The following HNRNPD variants were observed in gnomAD, a reference collection of about 807,000 sequenced individuals.
The protein encoded by HNRNPD is heterogeneous nuclear ribonucleoprotein D0.
HNRNPD carries 3 observed loss-of-function variants against 47.9 expected under a neutral mutation model. The ratio of observed to expected loss-of-function variants is 0.06; its 90% CI spans 0.03 to 0.16. The LOEUF (loss-of-function observed/expected upper bound fraction) is 0.16, where lower values mean the gene tolerates loss of function less well. Ranked by LOEUF, HNRNPD falls within the 10% of genes least tolerant of loss-of-function variation. The probability of loss-of-function intolerance (pLI) is 1.00; values close to 1 mark genes in which losing one functional copy is unlikely to be tolerated. For synonymous variants in HNRNPD, 171 were observed against 165.1 expected (o/e 1.04, Z -0.28); for missense variants, 287 against 454.2 (o/e 0.63, Z 3.35).
intron 2 of HNRNPD, among the ~76,000 whole-genome samples, chr4:82,368,694 C>T (rs1719883705): frequency 6.6e-6 from 1 of 152,202 alleles, no homozygotes. Flanking sequence ...TTACTACATA[C>T]AGTAAACCCA....
At chr4:82,357,270 C>G (rs530885237) in intron 5 of HNRNPD, 43 bp downstream of exon 5, 1 of 1,562,214 alleles carries the variant, frequency 6.4e-7, no homozygotes, top group African/African-American at 1.4e-5. Context: ...AAGCTCTTTA[C>G]AACAGCTAGT....
chr4:82,356,525 T>C lies in HNRNPD; in HGVS notation c.1000+12A>G, dbSNP rs1723719327. 2 of 1,591,660 alleles carry C rather than the reference T, an allele frequency of 1.3e-6. No individual in the cohort carries two copies. Among genetic ancestry groups the C allele is most frequent in the East Asian group, 2.2e-5 (1 of 44,758 alleles). ...GTCAAATAGCAGTTAATATAAAAAG[T>C]ATAGTACTTACTGCTATAATCACCA... On this transcript the variant is annotated intron_variant, in intron 7 of 8. Coordinates refer to ENST00000313899, the MANE Select transcript of HNRNPD (RefSeq NM_031370.3).
At chr4:82,368,265 A>AATGT (rs1393867711) in intron 2 of HNRNPD, among the ~76,000 whole-genome samples, 1 of 152,160 alleles carries the variant, frequency 6.6e-6, no homozygotes, top group Admixed American at 6.5e-5. Flanking sequence ...TGTATACTCA[A>AATGT]ATGTATACTC....
In HNRNPD at chr4:82,359,766, T is replaced by A. The variant is rs145968582; in HGVS notation, c.291-127A>T. On this transcript the variant is annotated intron_variant, in intron 2 of 8. Transcript: ENST00000313899. ...CAGTATATTAAAACATCATTCTTCC[T>A]ACATAACCACACATCAGGAACATCC... The A allele has an allele frequency of 2.6e-4, 135 of 515,702 alleles. 2 individuals are homozygous for A. In the Middle Eastern group the frequency reaches 7.6e-3, roughly 29 times the overall value. The allele number at this position is 515,702 out of a possible 1,614,324, so 31.9% of individuals were successfully genotyped here. A position where few individuals can be genotyped will look rare whatever the true frequency, so the allele number is the denominator to read the frequency against.
chr4:82,366,847 C>T (rs770974461), intron 2 of HNRNPD, among the ~76,000 whole-genome samples: 5 of 151,912 alleles, frequency 3.3e-5, no homozygotes, highest in Non-Finnish European at 5.9e-5. Flanking sequence ...AGGTGTGAGC[C>T]ACTACGCCTG....
At chr4:82,372,768 G>A (rs199964328) in intron 1 of HNRNPD, among the ~76,000 whole-genome samples, 1 of 152,140 alleles carries the variant, frequency 6.6e-6, no homozygotes, top group Non-Finnish European at 1.5e-5. Flanking sequence ...CAAGAAACTC[G>A]GAGCATTTCA....
chr4:82,367,834 T>C (rs1223696054), intron 2 of HNRNPD, among the ~76,000 whole-genome samples: 1 of 152,178 alleles, frequency 6.6e-6, no homozygotes, highest in Non-Finnish European at 1.5e-5. Flanking sequence ...GTATCAACTA[T>C]TAGGGCACTG....
intron 2 of HNRNPD, among the ~76,000 whole-genome samples, chr4:82,361,844 A>G (rs1249246845): frequency 6.6e-6 from 1 of 152,196 alleles, no homozygotes; most frequent in Non-Finnish European, 1.5e-5. Context: ...CCCCACCTTT[A>G]GTATGGTAGT....
At chr4:82,369,118 C>A (rs1288960948) in intron 2 of HNRNPD, among the ~76,000 whole-genome samples, 1 of 152,198 alleles carries the variant, frequency 6.6e-6, no homozygotes, top group East Asian at 1.9e-4. Flanking sequence ...GATTTTTAAA[C>A]TTTAAAAACT....
At chr4:82,362,948 T>C (rs1302802087) in intron 2 of HNRNPD, among the ~76,000 whole-genome samples, 1 of 152,072 alleles carries the variant, frequency 6.6e-6, no homozygotes, top group Non-Finnish European at 1.5e-5. Context: ...CTTATCTTAA[T>C]TATGGATAAA....
At chr4:82,361,602 C>A (rs1050174099) in intron 2 of HNRNPD, among the ~76,000 whole-genome samples, 1 of 152,110 alleles carries the variant, frequency 6.6e-6, no homozygotes, top group Non-Finnish European at 1.5e-5. Context: ...GGAGACAGAA[C>A]TAGTTTTGAT....
intron 2 of HNRNPD, among the ~76,000 whole-genome samples, chr4:82,368,134 G>A (rs1560438879): frequency 6.6e-6 from 1 of 152,144 alleles, no homozygotes; most frequent in African/African-American, 2.4e-5. Flanking sequence ...CAGCTTCCAA[G>A]TGGAATGGGA....
Position 82,371,582 on chromosome 4 carries a change from T to A in HNRNPD, c.236A>T (p.His79Leu), listed in dbSNP as rs1720050340. The change falls in exon 2 of 9, where the codon CAT (histidine) becomes CTT (leucine). Residue 79 changes from histidine (H) to leucine (L), a missense_variant and splice_region_variant. His to Leu is a moderately conservative substitution (Grantham distance 99, BLOSUM62 -3). Around this residue, in one of 5 missense-constraint regions of HNRNPD, gnomAD observed 161 missense variants for 137.1 expected, o/e 1.17. Coordinates refer to ENST00000313899, the MANE Select transcript of HNRNPD (RefSeq NM_031370.3). ...AGAGTGTCGTGGGGAGGAGTTTGAA[T>A]GGCTAGGGAATTAACAACCGGTACA... is the stretch of plus-strand genomic sequence containing the variant. ...DASKNEEDEGHSNSSPRHSEA... is the reference protein window; with the variant it reads ...DASKNEEDEGLSNSSPRHSEA... 5.0e-6 allele frequency: 8 copies of A among 1,612,972 alleles called. 1 individual carries two copies. In the East Asian group the frequency reaches 1.8e-4, roughly 36 times the overall value.
chr4:82,355,637 C>T (rs910607477), intron 7 of HNRNPD: 8 of 537,238 alleles, frequency 1.5e-5, no homozygotes, highest in Non-Finnish European at 2.3e-5. Flanking sequence ...GGGAGACAAT[C>T]CCCTCACCCT....
intron 2 of HNRNPD, among the ~76,000 whole-genome samples, chr4:82,363,631 G>A (rs141659650): frequency 2.6e-5 from 4 of 152,252 alleles, no homozygotes; most frequent in Non-Finnish European, 5.9e-5. Context: ...TTAGTTCTAA[G>A]TGAATCAATC....
chr4:82,363,051 T>C (rs1405312552), intron 2 of HNRNPD, among the ~76,000 whole-genome samples: 1 of 143,522 alleles, frequency 7.0e-6, no homozygotes, highest in Non-Finnish European at 1.5e-5. Context: ...TGTGTGTGTA[T>C]ATATATATAT....
chr4:82,357,616 G>T (rs1160419199), intron 4 of HNRNPD, 172 bp from the exon 5 acceptor site: 3 of 528,434 alleles, frequency 5.7e-6, no homozygotes, highest in Non-Finnish European at 9.6e-6. Flanking sequence ...CTTCAAATTA[G>T]AACACCCATT....
In HNRNPD at chr4:82,373,554, CCCGCCG is replaced by C; in HGVS notation, c.119_124del (p.Ala40_Ala41del). ...TCCGCCCCCGGTCCCGGCTCCGCTT[CCCGCCG>C]CCGCCGCTGCCCCCTGTGTCGCCGC... is the stretch of plus-strand genomic sequence containing the variant. On this transcript the variant is annotated inframe_deletion, in exon 1 of 9. Coordinates refer to ENST00000313899, the MANE Select transcript of HNRNPD (RefSeq NM_031370.3). 1 of 1,539,114 alleles carries C rather than the reference CCCGCCG, an allele frequency of 6.5e-7. No homozygotes were observed. The highest frequency in any genetic ancestry group is 8.7e-7 in the Non-Finnish European group (1 of 1,143,150).
intron 8 of HNRNPD, 63 bp from the exon 9 acceptor site, chr4:82,354,217 T>G: frequency 6.6e-6 from 1 of 152,416 alleles, no homozygotes; most frequent in South Asian, 2.1e-4. Context: ...AACAAAAATT[T>G]ACATAAAACT....
Sources: allele counts gnomAD v4.1 joint callset (sites outside exome capture counted in the v4.1 genomes callset), GRCh38; gene constraint gnomAD v4.1.1; regional missense constraint gnomAD v4.1.1; transcripts MANE v1.5; gene names NCBI Gene and HGNC (gene_info 2026-07-23, HGNC 2026-07-21).